The following PDE1C variants were observed in gnomAD, a reference collection of about 807,000 sequenced individuals.
PDE1C encodes the protein dual specificity calcium/calmodulin-dependent 3',5'-cyclic nucleotide phosphodiesterase 1C.
A neutral mutation model predicts 93.1 loss-of-function variants in PDE1C; 62 were observed. The ratio of observed to expected loss-of-function variants is 0.67; its 90% CI spans 0.54 to 0.82. The LOEUF is 0.82. PDE1C is among the 40% of genes least tolerant of loss of function. PDE1C has a pLI of 0.00. For missense variants in PDE1C, 742 were observed against 884.6 expected (o/e 0.84, Z 2.04); for synonymous variants, 325 against 310.1 (o/e 1.05, Z -0.50).
intron 1 of PDE1C, among the ~76,000 whole-genome samples, chr7:32,295,118 C>T (rs1361423414): frequency 2.6e-5 from 4 of 152,248 alleles, no homozygotes; most frequent in East Asian, 1.9e-4. Context: ...CTTGTTTCTT[C>T]TACCTGATCT....
chr7:32,075,093 A>G (rs893836926), upstream of PDE1C, among the ~76,000 whole-genome samples: 1 of 152,250 alleles, frequency 6.6e-6, no homozygotes, highest in Non-Finnish European at 1.5e-5. Context: ...TGCAACAACT[A>G]TGGTGCAAAT....
the PDE1C span, among the ~76,000 whole-genome samples, chr7:31,670,007 T>C: frequency 2.6e-5 from 4 of 152,146 alleles, no homozygotes; most frequent in Non-Finnish European, 4.4e-5. Flanking sequence ...CTTCCTTCCA[T>C]CCCGTGACAG....
chr7:31,628,361 T>C, the PDE1C span, among the ~76,000 whole-genome samples: 1 of 151,820 alleles, frequency 6.6e-6, no homozygotes, highest in Non-Finnish European at 1.5e-5. Flanking sequence ...CTGGTCTCCC[T>C]GAGAATGCCT....
At chr7:32,065,207 C>G (rs1057434661) in intron 1 of PDE1C, among the ~76,000 whole-genome samples, 1 of 151,916 alleles carries the variant, frequency 6.6e-6, no homozygotes, top group Non-Finnish European at 1.5e-5. Flanking sequence ...CACTAGAACA[C>G]AAGCCATATC....
intron 15 of PDE1C, among the ~76,000 whole-genome samples, chr7:31,811,453 ACATGGTCATCACCTCTTCCACCAC>A (rs1339284670): frequency 6.6e-6 from 1 of 152,104 alleles, no homozygotes; most frequent in East Asian, 1.9e-4. Context: ...TAAGTGCAGG[ACATGGTCATCACCTCTTCCACCAC>A]CAAAAGAGAA....
the PDE1C span, among the ~76,000 whole-genome samples, chr7:31,663,787 G>A: frequency 3.3e-5 from 5 of 152,222 alleles, no homozygotes; most frequent in South Asian, 1.0e-3. Context: ...TGCTAATACT[G>A]TGCTAAGTTC....
chr7:32,064,214 A>C (rs1358548027), intron 1 of PDE1C, among the ~76,000 whole-genome samples: 2 of 152,142 alleles, frequency 1.3e-5, no homozygotes, highest in African/African-American at 2.4e-5. Context: ...CTCCAGGCCA[A>C]AGGTCTCTCC....
At chr7:31,971,198 T>TA (rs1416282848) in intron 2 of PDE1C, among the ~76,000 whole-genome samples, 1 of 152,172 alleles carries the variant, frequency 6.6e-6, no homozygotes, top group Non-Finnish European at 1.5e-5. Context: ...TCAGAGGAAA[T>TA]GTATCACTGT....
chr7:32,254,155 G>T (rs756214231), intron 1 of PDE1C, among the ~76,000 whole-genome samples: 2 of 152,206 alleles, frequency 1.3e-5, no homozygotes, highest in Non-Finnish European at 2.9e-5. Context: ...TTGAGGACAG[G>T]TTATTGTTGG....
chr7:32,242,951 T>C (rs1232320773), intron 1 of PDE1C, among the ~76,000 whole-genome samples: 1 of 151,928 alleles, frequency 6.6e-6, no homozygotes, highest in Non-Finnish European at 1.5e-5. Context: ...AAGAGAGAGA[T>C]TGAAGGATAC....
At chr7:32,240,274 C>G (rs1345004920) in intron 1 of PDE1C, among the ~76,000 whole-genome samples, 2 of 152,090 alleles carry the variant, frequency 1.3e-5, no homozygotes, top group African/African-American at 4.8e-5. Flanking sequence ...GAATGATTAT[C>G]TGGATTAAAT....
the PDE1C span, chr7:31,686,966 C>T: frequency 2.6e-5 from 4 of 152,174 alleles, no homozygotes; most frequent in East Asian, 1.9e-4. Context: ...CAAAAAAAAT[C>T]TATCGCATGG....
chr7:31,824,369 T>A (rs1433129331), intron 13 of PDE1C, among the ~76,000 whole-genome samples: 2 of 152,152 alleles, frequency 1.3e-5, no homozygotes, highest in Non-Finnish European at 2.9e-5. Context: ...GGCCTGCGAT[T>A]GCACAGCTAG....
At chr7:32,190,223 C>A (rs993219713) in intron 2 of PDE1C, among the ~76,000 whole-genome samples, 3 of 152,198 alleles carry the variant, frequency 2.0e-5, no homozygotes, top group African/African-American at 7.2e-5. Flanking sequence ...CCCAAAACTA[C>A]ACAGTTGAAG....
intron 11 of PDE1C, among the ~76,000 whole-genome samples, chr7:31,835,524 C>T (rs1450238190): frequency 7.0e-5 from 4 of 57,488 alleles, no homozygotes; most frequent in African/African-American, 1.0e-4. Context: ...GGGGGTGCTG[C>T]GGTGTGTGTG....
At chr7:31,780,777 G>T (rs1377439469) in intron 16 of PDE1C, among the ~76,000 whole-genome samples, 1 of 148,542 alleles carries the variant, frequency 6.7e-6, no homozygotes, top group African/African-American at 2.4e-5. Flanking sequence ...GTGCATGTGC[G>T]CATGCGTGTG....
intron 1 of PDE1C, among the ~76,000 whole-genome samples, chr7:32,342,605 C>A (rs1775365243): frequency 6.6e-6 from 1 of 152,150 alleles, no homozygotes; most frequent in East Asian, 1.9e-4. Flanking sequence ...CATTATATAT[C>A]TGGCTACATG....
At chr7:32,235,952 C>T (rs1025862329) in intron 1 of PDE1C, among the ~76,000 whole-genome samples, 4 of 151,974 alleles carry the variant, frequency 2.6e-5, no homozygotes, top group Admixed American at 2.6e-4. Context: ...GACAAATAAT[C>T]AACAGAACAG....
chr7:32,136,455 A>G (rs1413323865), intron 3 of PDE1C, among the ~76,000 whole-genome samples: 1 of 152,090 alleles, frequency 6.6e-6, no homozygotes, highest in Non-Finnish European at 1.5e-5. Context: ...ATGCTAAAGG[A>G]AGCACAAATA....
Sources: allele counts gnomAD v4.1 joint callset (sites outside exome capture counted in the v4.1 genomes callset), GRCh38; gene constraint gnomAD v4.1.1; transcripts MANE v1.5; gene names NCBI Gene and HGNC (gene_info 2026-07-23, HGNC 2026-07-21).